The following PDE4DIP variants were observed in gnomAD, a reference collection of about 807,000 sequenced individuals.
The protein encoded by PDE4DIP is phosphodiesterase 4D interacting protein.
A neutral mutation model predicts 221.4 loss-of-function variants in PDE4DIP; 59 were observed. The ratio of observed to expected loss-of-function variants is 0.27; its 90% CI spans 0.22 to 0.33. PDE4DIP has a LOEUF of 0.33. PDE4DIP is among the 10% of genes least tolerant of loss of function. The pLI is 1.00. For missense variants in PDE4DIP, 1,036 were observed against 2,154.2 expected, an observed-to-expected ratio of 0.48 and a Z score of 10.28; for synonymous variants, 404 against 815.9, an observed-to-expected ratio of 0.50 and a Z score of 8.60.
chr1:148,980,659 T>A (rs1305023764), intron 20 of PDE4DIP, among the ~76,000 whole-genome samples: 2 of 151,916 alleles, frequency 1.3e-5, no homozygotes, highest in East Asian at 1.9e-4. Flanking sequence ...TATTATTATT[T>A]TTGCTATTCA....
intron 3 of PDE4DIP, among the ~76,000 whole-genome samples, chr1:148,869,990 C>T (rs375496010): frequency 0.013 from 1,001 of 75,648 alleles, 36 homozygotes; most frequent in African/African-American, 0.057. Flanking sequence ...ATGGGTTTAC[C>T]CCATCTTCCC....
intron 43 of PDE4DIP, chr1:149,030,973 C>A (rs587617876): frequency 2.6e-6 from 1 of 385,236 alleles, no homozygotes; most frequent in African/African-American, 2.3e-5. Flanking sequence ...GAAACTAAAC[C>A]TTTTAACATG....
chr1:148,902,761 A>ATG (rs547806332), intron 1 of PDE4DIP, among the ~76,000 whole-genome samples: 1 of 104,514 alleles, frequency 9.6e-6, no homozygotes, highest in African/African-American at 4.7e-5. Flanking sequence ...ATATATATAT[A>ATG]TGTGTGTGTA....
At chr1:148,820,170 G>A (rs1668682290) in intron 1 of PDE4DIP, among the ~76,000 whole-genome samples, 2 of 83,120 alleles carry the variant, frequency 2.4e-5, no homozygotes, top group African/African-American at 4.9e-5. Context: ...CTCATGATCC[G>A]CCCGCCTCGG....
At chr1:148,920,141 A>ATTTG (rs1434888595) in intron 1 of PDE4DIP, among the ~76,000 whole-genome samples, 2 of 148,242 alleles carry the variant, frequency 1.3e-5, no homozygotes, top group Admixed American at 1.3e-4. Flanking sequence ...GTTTTTATTT[A>ATTTG]TTTATTTATT....
intron 1 of PDE4DIP, among the ~76,000 whole-genome samples, chr1:148,813,950 T>A (rs1350576257): frequency 4.6e-5 from 1 of 21,536 alleles, no homozygotes; most frequent in African/African-American, 3.1e-4. Context: ...TCTGCCTTTT[T>A]TTTTTCCTTT....
chr1:148,969,555 G>A (rs1479319917), intron 14 of PDE4DIP, among the ~76,000 whole-genome samples: 6 of 151,792 alleles, frequency 4.0e-5, no homozygotes, highest in African/African-American at 1.5e-4. Context: ...TCAAGGTATG[G>A]GAAAACTTAC....
intron 17 of PDE4DIP, among the ~76,000 whole-genome samples, chr1:148,976,639 G>T (rs1489778737): frequency 6.6e-6 from 1 of 152,132 alleles, no homozygotes; most frequent in Non-Finnish European, 1.5e-5. Context: ...CTATTGGGGA[G>T]ATACAGACAA....
chr1:149,022,882 G>A (rs2073502472), intron 37 of PDE4DIP, among the ~76,000 whole-genome samples: 1 of 151,770 alleles, frequency 6.6e-6, no homozygotes, highest in Non-Finnish European at 1.5e-5. Flanking sequence ...TGATATTCTG[G>A]CACATTAAGA....
exon 43 of PDE4DIP, chr1:149,030,241 C>T (rs782607564): frequency 6.6e-7 from 1 of 1,503,828 alleles, no homozygotes; most frequent in Non-Finnish European, 9.1e-7. Flanking sequence ...GTAACCAGAA[C>T]ACATGATGTT....
At chr1:148,989,410 C>T (rs1256417671) in intron 21 of PDE4DIP, 1 of 725,038 alleles carries the variant, frequency 1.4e-6, no homozygotes, top group African/African-American at 1.9e-5. Context: ...TAGCATCCTG[C>T]TCTTAAGTGA....
At chr1:148,923,664 G>A (rs1404663267) in intron 1 of PDE4DIP, among the ~76,000 whole-genome samples, 4 of 144,812 alleles carry the variant, frequency 2.8e-5, no homozygotes, top group Non-Finnish European at 6.0e-5. Context: ...TAGTAGAGAC[G>A]GGGTTTCACC....
chr1:149,023,991 G>A (rs1472945067), intron 37 of PDE4DIP, among the ~76,000 whole-genome samples: 7 of 151,056 alleles, frequency 4.6e-5, no homozygotes, highest in Admixed American at 3.3e-4. Flanking sequence ...ATAATCCCTC[G>A]TCTAAGGTGC....
intron 17 of PDE4DIP, among the ~76,000 whole-genome samples, chr1:148,976,207 G>C (rs1198180147): frequency 2.4e-4 from 36 of 152,210 alleles, no homozygotes; most frequent in Admixed American, 4.6e-4. Flanking sequence ...CCTATGAATG[G>C]GTATTTTGGG....
At position 149,030,113 on chromosome 1, in the gene PDE4DIP, A is replaced by C. The variant is rs1330173068; in HGVS notation, c.6953-119A>C. Reference sequence around the variant, plus strand: ...GGAGGGGAGGACAGGGGGTGGATAGAAGGAGACTCCAAGCTGAATAGCCAG... The same window carrying C: ...GGAGGGGAGGACAGGGGGTGGATAGCAGGAGACTCCAAGCTGAATAGCCAG... On this transcript the variant is annotated intron_variant, in intron 42 of 43. Transcript: ENST00000369354. The C allele has an allele frequency of 2.7e-4, 252 of 937,158 alleles. No individual in the cohort carries two copies. In the East Asian group the frequency reaches 4.2e-3, roughly 16 times the overall value. 58.1% of individuals were successfully genotyped at this position (937,158 alleles called of 1,614,324 possible).
rs587704105 is a variant in PDE4DIP, at chr1:148,922,686, C to T, written c.142-6511C>T. 6.3e-3 allele frequency among the ~76,000 whole-genome samples: 946 copies of T among 149,328 alleles called. 17 individuals are homozygous for T. The highest frequency in any genetic ancestry group is 0.022 in the African/African-American group (906 of 40,560). On this transcript the variant is annotated intron_variant, in intron 1 of 43. Transcript: ENST00000369354. ...CATTGCAAGCTCCGACTCCTGGGTT[C>T]ACACCGTTCTCCTGCCTCAGCCTCC...
At chr1:148,983,216 C>T (rs1553545371) in intron 21 of PDE4DIP, 1 of 152,040 alleles carries the variant, frequency 6.6e-6, no homozygotes, top group Non-Finnish European at 1.5e-5. Flanking sequence ...CCATCAAAGA[C>T]TAGTTTGTCG....
At chr1:148,941,408 A>AT (rs2050501658) in intron 5 of PDE4DIP, among the ~76,000 whole-genome samples, 1 of 124,278 alleles carries the variant, frequency 8.0e-6, no homozygotes, top group Non-Finnish European at 1.7e-5. Flanking sequence ...ATGATAAAAT[A>AT]TATAGCTGGA....
chr1:148,968,756 G>A lies in PDE4DIP; in HGVS notation c.1786-80G>A, dbSNP rs1302593583. ...AGAATCTCACACCTCCTTCTTCTAT[G>A]ATAGATTCTTATAAGCCCTTTGATA... On this transcript the variant is annotated intron_variant, in intron 13 of 43. Coordinates refer to ENST00000369354, the Ensembl canonical transcript of PDE4DIP. 4.0e-6 allele frequency: 3 copies of A among 741,580 alleles called. No homozygotes were observed. The East Asian group carries it at 7.5e-5, about 19-fold the overall frequency. The allele number at this position is 741,580 out of a possible 1,614,324, so 45.9% of individuals were successfully genotyped here.
Sources: allele counts gnomAD v4.1 joint callset (sites outside exome capture counted in the v4.1 genomes callset), GRCh38; gene constraint gnomAD v4.1.1; transcripts MANE v1.5; gene names NCBI Gene and HGNC (gene_info 2026-07-23, HGNC 2026-07-21).